PLCE1: variants seen among roughly 807,000 people sequenced by gnomAD.
PLCE1 encodes 1-phosphatidylinositol 4,5-bisphosphate phosphodiesterase epsilon-1.
In PLCE1, 119 loss-of-function variants were observed where a neutral mutation model predicts 242.8. The observed-to-expected ratio is 0.49, with a 90% CI of 0.42 to 0.57. The LOEUF (loss-of-function observed/expected upper bound fraction) is 0.57. Among genes scored for constraint, PLCE1 ranks in the 20% least tolerant of loss-of-function variants. PLCE1 has a pLI of 0.00. For synonymous variants in PLCE1, 945 were observed against 1,017.4 expected (o/e 0.93, Z 1.35); for missense variants, 2,441 against 2,788.8 (o/e 0.88, Z 2.81).
At chr10:94,127,411 G>A (rs1353368214) in intron 2 of PLCE1, among the ~76,000 whole-genome samples, 3 of 152,150 alleles carry the variant, frequency 2.0e-5, no homozygotes, top group African/African-American at 4.8e-5. Flanking sequence ...GGGTGACTGG[G>A]CCATGGTCTT....
At chr10:94,015,840 AAT>A (rs768223226) in intron 1 of PLCE1, among the ~76,000 whole-genome samples, 3 of 152,232 alleles carry the variant, frequency 2.0e-5, no homozygotes, top group Admixed American at 6.5e-5. Flanking sequence ...GGCCGAATGA[AAT>A]ATAAACTATC....
intron 2 of PLCE1, among the ~76,000 whole-genome samples, chr10:94,131,660 T>A (rs1394661811): frequency 6.6e-6 from 1 of 152,210 alleles, no homozygotes. Context: ...TGATCTCAGC[T>A]GACAGTTTGA....
At chr10:94,309,355 C>T (rs79941499) in intron 27 of PLCE1, among the ~76,000 whole-genome samples, 4 of 152,060 alleles carry the variant, frequency 2.6e-5, no homozygotes, top group South Asian at 4.2e-4. Flanking sequence ...CTCTGTCACC[C>T]AGTGTCACTC....
At chr10:94,030,626 AT>A (rs907789829) in intron 1 of PLCE1, among the ~76,000 whole-genome samples, 56 bp from the exon 2 acceptor site, 1 of 152,056 alleles carries the variant, frequency 6.6e-6, no homozygotes, top group Admixed American at 6.6e-5. Flanking sequence ...TTGTGAGATC[AT>A]TTTTTTAAAA....
intron 2 of PLCE1, among the ~76,000 whole-genome samples, chr10:94,063,816 G>A (rs1162020119): frequency 6.6e-6 from 1 of 152,200 alleles, no homozygotes; most frequent in East Asian, 1.9e-4. Context: ...TTATTAGGGA[G>A]TGAGGTTCAA....
chr10:93,997,612 A>T (rs922574276), intron 1 of PLCE1, among the ~76,000 whole-genome samples: 2 of 144,670 alleles, frequency 1.4e-5, no homozygotes, highest in African/African-American at 5.2e-5. Flanking sequence ...TGGGCTCATG[A>T]CCCAAAACAA....
chr10:94,069,306 ACT>A (rs1384609010), intron 2 of PLCE1, among the ~76,000 whole-genome samples: 3 of 152,192 alleles, frequency 2.0e-5, no homozygotes, highest in Middle Eastern at 3.4e-3. Flanking sequence ...CAAAGCAGAA[ACT>A]CTACCGAGGG....
chr10:94,119,789 T>C (rs965236268), intron 2 of PLCE1, among the ~76,000 whole-genome samples: 1 of 152,212 alleles, frequency 6.6e-6, no homozygotes, highest in Non-Finnish European at 1.5e-5. Context: ...GACAAGAAGC[T>C]CTTTTACTCA....
intron 1 of PLCE1, among the ~76,000 whole-genome samples, chr10:94,026,966 C>A (rs995758132): frequency 2.0e-5 from 3 of 152,144 alleles, no homozygotes; most frequent in African/African-American, 7.2e-5. Context: ...CCTTCACAAC[C>A]TGATGGAGTA....
At position 94,322,059 on chromosome 10, in the gene PLCE1, G is replaced by A. The variant is rs764435469; in HGVS notation, c.6501G>A (p.Gln2167=). The stretch of plus-strand genomic sequence containing the variant: ...GCACTGCACAGGATGTCATTCAGCA[G>A]GTAAAAGCCTCTCCCTTCCTCACCT... The part of the protein sequence containing the change: ...RVSTAQDVIQ[Q]TLCKAKYSYS... The change falls in exon 30 of 33, where the codon CAG becomes CAA. Residue 2167 remains glutamine (Q), a splice_region_variant and synonymous_variant. Coordinates refer to ENST00000371380, the MANE Select transcript of PLCE1 (RefSeq NM_016341.4). 3.1e-6 allele frequency: 5 copies of A among 1,613,848 alleles called. No homozygotes were observed. In the Admixed American group the frequency reaches 6.7e-5, roughly 22 times the overall value.
At chr10:94,184,745 G>A (rs1175056112) in intron 4 of PLCE1, among the ~76,000 whole-genome samples, 1 of 152,162 alleles carries the variant, frequency 6.6e-6, no homozygotes, top group Non-Finnish European at 1.5e-5. Context: ...CTCTGCAGTT[G>A]TTGTTGCCTC....
At chr10:94,204,435 G>A (rs564753552) in intron 4 of PLCE1, among the ~76,000 whole-genome samples, 3 of 152,280 alleles carry the variant, frequency 2.0e-5, no homozygotes, top group Non-Finnish European at 4.4e-5. Context: ...TTGGGAGGCT[G>A]AGGCGGGTGA....
At chr10:94,051,407 C>G (rs1370955324) in intron 2 of PLCE1, among the ~76,000 whole-genome samples, 1 of 151,068 alleles carries the variant, frequency 6.6e-6, no homozygotes, top group Non-Finnish European at 1.5e-5. Flanking sequence ...GCCAGCTGCT[C>G]TGGTCTAGTT....
intron 2 of PLCE1, among the ~76,000 whole-genome samples, chr10:94,086,973 T>C (rs939146868): frequency 6.6e-6 from 1 of 152,136 alleles, no homozygotes; most frequent in Non-Finnish European, 1.5e-5. Context: ...TTAGTATTCT[T>C]GTAATATTGG....
chr10:94,138,145 A>G, intron 3 of PLCE1: 1 of 393,330 alleles, frequency 2.5e-6, no homozygotes, highest in South Asian at 2.2e-5. Context: ...ACCAGACTGC[A>G]CCATGCAAAG....
chr10:94,015,529 C>T (rs1204086607), intron 1 of PLCE1, among the ~76,000 whole-genome samples: 1 of 152,096 alleles, frequency 6.6e-6, no homozygotes, highest in Non-Finnish European at 1.5e-5. Context: ...AGATCCTTAC[C>T]ACTGCCCCAC....
intron 3 of PLCE1, among the ~76,000 whole-genome samples, chr10:94,168,967 C>G (rs1419465305): frequency 7.2e-5 from 11 of 151,992 alleles, no homozygotes; most frequent in Admixed American, 6.6e-4. Context: ...AGGGGGAGGC[C>G]ATCTAGGGTA....
intron 32 of PLCE1, among the ~76,000 whole-genome samples, chr10:94,326,101 T>A (rs1379183952): frequency 1.3e-5 from 2 of 152,226 alleles, no homozygotes; most frequent in African/African-American, 2.4e-5. Context: ...AGTTTCCTAA[T>A]GAACCTAAGG....
chr10:94,061,398 A>C (rs1037758847), intron 2 of PLCE1, among the ~76,000 whole-genome samples: 1 of 152,228 alleles, frequency 6.6e-6, no homozygotes, highest in African/African-American at 2.4e-5. Context: ...GGGGACTGAA[A>C]TGTTCTAAGG....
Sources: allele counts gnomAD v4.1 joint callset (sites outside exome capture counted in the v4.1 genomes callset), GRCh38; gene constraint gnomAD v4.1.1; transcripts MANE v1.5; gene names NCBI Gene and HGNC (gene_info 2026-07-23, HGNC 2026-07-21).